Variants in TTC39A observed in about 807,000 individuals in gnomAD.
TTC39A encodes tetratricopeptide repeat domain 39A, also known as tetratricopeptide repeat protein 39A.
In TTC39A, 46 loss-of-function variants were observed where a neutral mutation model predicts 82.3. The observed-to-expected ratio is 0.56, with a 90% CI of 0.44 to 0.71. The LOEUF is 0.71. Ranked by LOEUF, TTC39A falls within the 30% of genes least tolerant of loss-of-function variation. The pLI is 0.00. For synonymous variants in TTC39A, 254 were observed against 275.2 expected (o/e 0.92, Z 0.76); for missense variants, 543 against 712.9 (o/e 0.76, Z 2.71).
At chr1:51,343,675 G>T (rs1422697662) in intron 1 of TTC39A, among the ~76,000 whole-genome samples, 1 of 152,350 alleles carries the variant, frequency 6.6e-6, no homozygotes, top group Middle Eastern at 3.4e-3. Context: ...GCAGTGCCTA[G>T]TACAGTGCTG....
upstream of TTC39A, among the ~76,000 whole-genome samples, chr1:51,333,220 C>CAAAAAA (rs748559262): frequency 1.2e-4 from 10 of 80,274 alleles, no homozygotes; most frequent in Non-Finnish European, 1.2e-4. Flanking sequence ...TCGCCCCCAC[C>CAAAAAA]AAAAAAAAAA....
chr1:51,320,828 G>A (rs1232033528), intron 2 of TTC39A, among the ~76,000 whole-genome samples: 3 of 151,248 alleles, frequency 2.0e-5, no homozygotes, highest in African/African-American at 7.3e-5. Context: ...TGGGGCAGGG[G>A]TGTAAGAAAG....
chr1:51,304,600 T>C (rs1439454355), intron 8 of TTC39A, among the ~76,000 whole-genome samples: 1 of 152,202 alleles, frequency 6.6e-6, no homozygotes, highest in Non-Finnish European at 1.5e-5. Context: ...ACTCAGGTTC[T>C]TGCCCTCAGT....
chr1:51,299,190 T>G (rs1223136159), intron 12 of TTC39A: 1 of 151,852 alleles, frequency 6.6e-6, no homozygotes, highest in Non-Finnish European at 1.5e-5. Flanking sequence ...GGACTGCTCT[T>G]TCTGGGGGGG....
chr1:51,309,366 C>CAGCT (rs1201674776), intron 5 of TTC39A, 41 bp from the exon 6 acceptor site: 1 of 1,612,132 alleles, frequency 6.2e-7, no homozygotes, highest in African/African-American at 1.3e-5. Context: ...CCCAGGTGGG[C>CAGCT]AGCTGCAGGC....
chr1:51,298,925 G>C (rs1489245435), intron 12 of TTC39A: 3 of 152,314 alleles, frequency 2.0e-5, no homozygotes, highest in Non-Finnish European at 4.4e-5. Context: ...GGCCATCTCA[G>C]CCTCTAGGCT....
chr1:51,320,416 C>CTTTTTTTTTTTTTTTTTTTTTTTTTTTTT (rs57261779), intron 2 of TTC39A, among the ~76,000 whole-genome samples: 23 of 79,436 alleles, frequency 2.9e-4, no homozygotes, highest in Non-Finnish European at 3.5e-4. Context: ...TTTTCTTTTT[C>CTTTTTTTTTTTTTTTTTTTTTTTTTTTTT]TTTTTTTTTT....
Position 51,298,535 on chromosome 1 carries a change from C to CTA in TTC39A, c.1054-2366_1054-2365insTA, listed in dbSNP as rs1644531384. On this transcript the variant is annotated intron_variant, in intron 12 of 17. Coordinates refer to ENST00000680483, the MANE Select transcript of TTC39A (RefSeq NM_001297663.2). ...CACAGACAGCTCACCCTCACTGCAC[C>CTA]ACCAGGGTTAGGATGGGGGCTGTGA... 2.0e-5 allele frequency: 3 copies of CTA among 152,700 alleles called. No individual in the cohort carries two copies. The South Asian group carries it at 6.2e-4, about 32-fold the overall frequency. The allele number at this position is 152,700 out of a possible 1,614,324, so 9.5% of individuals were successfully genotyped here.
At chr1:51,320,014 A>G (rs1645435846) in intron 2 of TTC39A, among the ~76,000 whole-genome samples, 1 of 152,144 alleles carries the variant, frequency 6.6e-6, no homozygotes, top group South Asian at 2.1e-4. Context: ...TCTATAGGAC[A>G]TTCCCTGGCA....
At chr1:51,333,023 A>G (rs547989616), upstream of TTC39A, among the ~76,000 whole-genome samples, 13 of 152,086 alleles carry the variant, frequency 8.5e-5, no homozygotes, top group Middle Eastern at 3.4e-3. Flanking sequence ...GACCAGCCTG[A>G]CCAACATGGA....
At chr1:51,338,919 G>A (rs1231266537) in intron 1 of TTC39A, among the ~76,000 whole-genome samples, 2 of 152,130 alleles carry the variant, frequency 1.3e-5, no homozygotes, top group African/African-American at 4.8e-5. Flanking sequence ...ATCCTCCTTT[G>A]AGTGGCCTGT....
At chr1:51,340,189 G>A (rs1256259459) in intron 1 of TTC39A, among the ~76,000 whole-genome samples, 1 of 152,150 alleles carries the variant, frequency 6.6e-6, no homozygotes, top group Admixed American at 6.5e-5. Flanking sequence ...TTTCATTATA[G>A]CAACCTGAAT....
intron 1 of TTC39A, among the ~76,000 whole-genome samples, chr1:51,327,073 T>C (rs748015890): frequency 6.6e-6 from 1 of 152,106 alleles, no homozygotes; most frequent in African/African-American, 2.4e-5. Context: ...ACTCTCCCCT[T>C]CCCTCCCACT....
At chr1:51,332,174 T>C (rs969222707), upstream of TTC39A, among the ~76,000 whole-genome samples, 5 of 152,248 alleles carry the variant, frequency 3.3e-5, no homozygotes, top group African/African-American at 1.2e-4. Flanking sequence ...AAAAAAAGAA[T>C]ACAAATTTAC....
intron 2 of TTC39A, among the ~76,000 whole-genome samples, chr1:51,318,487 T>C (rs1026002484): frequency 6.6e-6 from 1 of 152,064 alleles, no homozygotes; most frequent in Non-Finnish European, 1.5e-5. Flanking sequence ...CCACACGCCC[T>C]GGAACACCCA....
upstream of TTC39A, among the ~76,000 whole-genome samples, chr1:51,333,968 AT>A (rs1458406905): frequency 6.6e-6 from 1 of 152,128 alleles, no homozygotes; most frequent in Non-Finnish European, 1.5e-5. Context: ...GGATTATCTT[AT>A]TTAATTTTCA....
chr1:51,330,745 C>A (rs1418667024), upstream of TTC39A: 3 of 550,282 alleles, frequency 5.5e-6, no homozygotes, highest in Non-Finnish European at 7.3e-6. This position sits in a 1 kb window ranked among gnomAD's most constrained non-coding sequence, Gnocchi z 4.5. Flanking sequence ...GAGAGCCCGG[C>A]GCCCTCTGCG....
At chr1:51,325,084 G>C (rs1340130493) in intron 1 of TTC39A, among the ~76,000 whole-genome samples, 2 of 151,572 alleles carry the variant, frequency 1.3e-5, no homozygotes, top group African/African-American at 4.8e-5. Flanking sequence ...GAGAAACCCC[G>C]CCTCTACTAA....
In TTC39A at chr1:51,288,760, TG is replaced by T; in HGVS notation, c.1610+78del. The T allele has an allele frequency of 7.2e-7, 1 of 1,380,042 alleles. No individual in the cohort carries two copies. The highest frequency in any genetic ancestry group is 1.0e-6 in the Non-Finnish European group (1 of 996,958). 85.5% of individuals were successfully genotyped at this position (1,380,042 alleles called of 1,614,324 possible). ...GCTAGCAACTCCACTCACTGCTCTC[TG>T]GGCAACTCTGTCCCCAGCCAGCTCC... On this transcript the variant is annotated intron_variant, in intron 17 of 17. Transcript: ENST00000680483. This position sits in a 1 kb window ranked among gnomAD's most constrained non-coding sequence, Gnocchi z 4.8.
Sources: allele counts gnomAD v4.1 joint callset (sites outside exome capture counted in the v4.1 genomes callset), GRCh38; gene constraint gnomAD v4.1.1; non-coding constraint Gnocchi (gnomAD v3.1); transcripts MANE v1.5; gene names NCBI Gene and HGNC (gene_info 2026-07-23, HGNC 2026-07-21).